The following ALAD variants were observed in gnomAD, a reference collection of about 807,000 sequenced individuals.
ALAD encodes delta-aminolevulinic acid dehydratase.
In ALAD, 20 loss-of-function variants were observed where a neutral mutation model predicts 44.4. That is an observed-to-expected ratio of 0.45 (90% CI 0.32 to 0.65). The LOEUF (loss-of-function observed/expected upper bound fraction) is 0.65, where lower values mean the gene tolerates loss of function less well. Ranked by LOEUF, ALAD falls within the 30% of genes least tolerant of loss-of-function variation. ALAD has a pLI of 0.05. For missense variants in ALAD, 323 were observed against 445.7 expected, an observed-to-expected ratio of 0.72 and a Z score of 2.48; for synonymous variants, 156 against 167.9, an observed-to-expected ratio of 0.93 and a Z score of 0.55.
rs371063254 is a variant in ALAD at position 113,388,412 on chromosome 9, G to C, written c.932-51C>G. The C allele has an allele frequency of 1.4e-4, 225 of 1,563,368 alleles. 1 individual carries two copies. In the African/African-American group the frequency reaches 2.8e-3, roughly 19 times the overall value. On this transcript the variant is annotated intron_variant, in intron 11 of 11. Coordinates refer to ENST00000409155, the MANE Select transcript of ALAD (RefSeq NM_000031.6). ...TGCTGGGGGGACGCTGATCAGCTCT[G>C]AGCACACCTTCTGCGATGGGAAGGC...
chr9:113,397,264 T>C (rs968499614), intron 1 of ALAD: 1 of 152,264 alleles, frequency 6.6e-6, no homozygotes, highest in African/African-American at 2.4e-5. Flanking sequence ...TTCAGGAGGC[T>C]GAGGGAACAA....
intron 11 of ALAD, 36 bp downstream of exon 11, chr9:113,388,941 G>A (rs1165063296): frequency 6.2e-7 from 1 of 1,613,598 alleles, no homozygotes. Flanking sequence ...CAGTCCCTGT[G>A]GCGCAGGTCA....
chr9:113,388,544 T>C (rs1564367731), intron 11 of ALAD, among the ~76,000 whole-genome samples, 183 bp from the exon 12 acceptor site: 1 of 152,224 alleles, frequency 6.6e-6, no homozygotes, highest in African/African-American at 2.4e-5. Flanking sequence ...CATTTCCTCT[T>C]TTGGGGCCTC....
Position 113,397,800 on chromosome 9 carries a change from T to C in ALAD, c.-76+3412A>G, listed in dbSNP as rs548859996. Among the ~76,000 whole-genome samples the C allele has an allele frequency of 9.2e-5, 14 of 152,238 alleles. No individual in the cohort carries two copies. The East Asian group carries it at 2.7e-3, about 29-fold the overall frequency. On this transcript the variant is annotated intron_variant, in intron 1 of 11. Transcript: ENST00000409155. Reference sequence around the variant, plus strand: ...TGACCATGCTTGGCTAATTTTTGTATTTTTAGTAGAGACAGGGTTTCGCCA... The same window carrying C: ...TGACCATGCTTGGCTAATTTTTGTACTTTTAGTAGAGACAGGGTTTCGCCA...
Position 113,392,815 on chromosome 9 carries a change from C to T in ALAD, c.113+632G>A, listed in dbSNP as rs1220741536. On this transcript the variant is annotated intron_variant, in intron 2 of 11. Coordinates refer to ENST00000409155, the MANE Select transcript of ALAD (RefSeq NM_000031.6). ...TTATTAACAATCACGATTGCCATCT[C>T]TTTTTTTTTTTTTTTTTTTTGAGAT... Among the ~76,000 whole-genome samples, 357 of 113,076 alleles carry T rather than the reference C, an allele frequency of 3.2e-3. 2 individuals carry two copies. The highest frequency in any genetic ancestry group is 0.011 in the African/African-American group (313 of 28,954). 74.2% of individuals were successfully genotyped at this position (113,076 alleles called of 152,430 possible). A position where few individuals can be genotyped will look rare whatever the true frequency, so the allele number is the denominator to read the frequency against.
In ALAD at chr9:113,389,567, C is replaced by A. The variant is rs748174951; in HGVS notation, c.714+32G>T. 39 of 1,613,960 alleles carry A rather than the reference C, an allele frequency of 2.4e-5. No homozygotes were observed. The South Asian group carries it at 4.2e-4, about 17-fold the overall frequency. On this transcript the variant is annotated intron_variant, in intron 9 of 11. Coordinates refer to ENST00000409155, the MANE Select transcript of ALAD (RefSeq NM_000031.6). ...AATGTGGGTGGTGCCTAGGAGGGGG[C>A]TGAGGGTGGGGCTCAAGTCCTAGTC...
rs778222837 is a variant in ALAD, at chr9:113,390,782, G to A, written c.397+16C>T. ...GTGTGGGTGGCAGCAGGGCTGGTGG[G>A]AGGGAGGGAACTCACCGCAGTGACC... On this transcript the variant is annotated intron_variant, in intron 5 of 11. Transcript: ENST00000409155. The A allele has an allele frequency of 2.1e-5, 34 of 1,604,016 alleles. No homozygotes were observed. The highest frequency in any genetic ancestry group is 6.8e-6 in the Non-Finnish European group (8 of 1,175,602).
intron 1 of ALAD, among the ~76,000 whole-genome samples, chr9:113,395,066 G>C (rs1827690258): frequency 6.6e-6 from 1 of 150,990 alleles, no homozygotes; most frequent in East Asian, 1.9e-4. Context: ...AAAAAAAAAA[G>C]AAAGAAAGAA....
intron 1 of ALAD, among the ~76,000 whole-genome samples, chr9:113,394,308 T>TG (rs1827671428): frequency 6.7e-6 from 1 of 149,030 alleles, no homozygotes; most frequent in Non-Finnish European, 1.5e-5. Context: ...GAGGCTGAGG[T>TG]GGCAGGATGG....
chr9:113,388,007 T>C lies in ALAD; in HGVS notation c.*293A>G. On this transcript the variant is annotated 3_prime_UTR_variant, in exon 12 of 12. Transcript: ENST00000409155. ...AAAGGCTGTGCCCCCGACTCCAGGT[T>C]GCTTTCAAGCTGAAGCCACACCAGA... 1 of 456,686 alleles carries C rather than the reference T, an allele frequency of 2.2e-6. No individual in the cohort carries two copies. Among genetic ancestry groups the C allele is most frequent in the East Asian group, 4.4e-5 (1 of 22,554 alleles). 28.3% of individuals were successfully genotyped at this position (456,686 alleles called of 1,614,324 possible). A position where few individuals can be genotyped will look rare whatever the true frequency, so the allele number is the denominator to read the frequency against.
chr9:113,396,000 C>A (rs1238903656), intron 1 of ALAD, among the ~76,000 whole-genome samples: 1 of 152,060 alleles, frequency 6.6e-6, no homozygotes, highest in Non-Finnish European at 1.5e-5. Flanking sequence ...TTGAGACCAG[C>A]CTGACCAACA....
intron 3 of ALAD, 104 bp downstream of exon 3, chr9:113,392,015 G>T: frequency 8.7e-7 from 1 of 1,154,922 alleles, no homozygotes; most frequent in Non-Finnish European, 1.3e-6. Flanking sequence ...ATGTCTGTCT[G>T]TCCGCATCTT....
intron 2 of ALAD, 61 bp from the exon 3 acceptor site, chr9:113,392,230 C>T (rs772785461): frequency 4.3e-6 from 7 of 1,611,502 alleles, no homozygotes; most frequent in Admixed American, 3.3e-5. Flanking sequence ...GGTGCGGGGG[C>T]GACTGAGAGG....
chr9:113,388,100 A>C lies in ALAD; in HGVS notation c.*200T>G. 1 of 633,032 alleles carries C rather than the reference A, an allele frequency of 1.6e-6. No individual in the cohort carries two copies. 39.2% of individuals were successfully genotyped at this position (633,032 alleles called of 1,614,324 possible). A position where few individuals can be genotyped will look rare whatever the true frequency, so the allele number is the denominator to read the frequency against. ...CAGGGGAGGGGCGGGGAAGCTTGGG[A>C]GAGCTCATAGGATGCAGCTGCGAGT... On this transcript the variant is annotated 3_prime_UTR_variant, in exon 12 of 12. Transcript: ENST00000409155.
intron 10 of ALAD, 115 bp downstream of exon 10, chr9:113,389,323 G>T: frequency 7.4e-7 from 1 of 1,358,556 alleles, no homozygotes; most frequent in Non-Finnish European, 1.0e-6. Flanking sequence ...GGGCAGGGAA[G>T]GGGAGGAGAG....
chr9:113,393,517 G>C lies in ALAD; in HGVS notation c.43C>G (p.Leu15Val), dbSNP rs1827651562. 4.3e-6 allele frequency: 7 copies of C among 1,614,070 alleles called. No individual in the cohort carries two copies. The highest frequency in any genetic ancestry group is 5.1e-6 in the Non-Finnish European group (6 of 1,180,040). Residue 15 changes from leucine (L) to valine (V), a missense_variant, in exon 2 of 12, where the codon CTA becomes GTA. By Grantham distance (32) the Leu-to-Val change is conservative. Coordinates refer to ENST00000409155, the MANE Select transcript of ALAD (RefSeq NM_000031.6). ...SVLHSGYFHP[L>V]LRAWQTATTT... ...GTGGCTGTCTGCCAGGCCCGAAGTA[G>C]TGGGTGGAAGTAGCCGCTGTGCAGA...
intron 3 of ALAD, 108 bp downstream of exon 3, chr9:113,392,011 G>T: frequency 8.9e-7 from 1 of 1,127,350 alleles, no homozygotes. Context: ...GCTAATGTCT[G>T]TCTGTCCGCA....
chr9:113,389,335 A>T (rs1331875040), intron 10 of ALAD, 103 bp downstream of exon 10: 1 of 1,414,554 alleles, frequency 7.1e-7, no homozygotes, highest in Non-Finnish European at 9.9e-7. Context: ...GGAGGAGAGG[A>T]TGCATGCTTA....
Position 113,390,477 on chromosome 9 carries a change from G to T in ALAD, c.498C>A (p.Ala166=), listed in dbSNP as rs1249943144. Residue 166 remains alanine, a synonymous_variant, in exon 7 of 12, where the codon GCC becomes GCA. Transcript: ENST00000409155. Reference sequence around the variant, plus strand: ...CGCGTCCATCCATCATGTCCGACGGGGCTACCACCTGACATCCTGGGGGGC... The same window carrying T: ...CGCGTCCATCCATCATGTCCGACGGTGCTACCACCTGACATCCTGGGGGGC... ...AYAKAGCQVV[A]PSDMMDGRVE... 4.3e-6 allele frequency: 7 copies of T among 1,614,006 alleles called. No homozygotes were observed. The African/African-American group carries it at 5.3e-5, about 12-fold the overall frequency.
Sources: allele counts gnomAD v4.1 joint callset (sites outside exome capture counted in the v4.1 genomes callset), GRCh38; gene constraint gnomAD v4.1.1; transcripts MANE v1.5; gene names NCBI Gene and HGNC (gene_info 2026-07-23, HGNC 2026-07-21).